FIG4: variants seen among roughly 807,000 people sequenced by gnomAD.
The protein encoded by FIG4 is FIG4 phosphoinositide 5-phosphatase.
FIG4 carries 112 observed loss-of-function variants against 118.6 expected under a neutral mutation model. The ratio of observed to expected loss-of-function variants is 0.94; its 90% CI spans 0.81 to 1.11. The LOEUF is 1.11. Ranked by LOEUF, FIG4 falls within the 50% of genes least tolerant of loss-of-function variation. FIG4 has a pLI of 0.00. For synonymous variants in FIG4, 369 were observed against 381.2 expected (o/e 0.97, Z 0.37); for missense variants, 969 against 1,111.7 (o/e 0.87, Z 1.83).
intron 4 of FIG4, 25 bp downstream of exon 4, chr6:109,727,290 T>C (rs2128384076): frequency 6.3e-7 from 1 of 1,599,272 alleles, no homozygotes; most frequent in Non-Finnish European, 8.6e-7. Context: ...AACTACCTTT[T>C]TTTTTTTGGA....
At chr6:109,707,331 GTA>G (rs3060804) in intron 1 of FIG4, among the ~76,000 whole-genome samples, 1 of 138,478 alleles carries the variant, frequency 7.2e-6, no homozygotes, top group African/African-American at 2.7e-5. Context: ...ATATGTATAG[GTA>G]TATATATACA....
At position 109,751,810 on chromosome 6, in the gene FIG4, T is replaced by C. The variant is rs9487204; in HGVS notation, c.1137+8038T>C. Among the ~76,000 whole-genome samples the C allele has an allele frequency of 3.4e-3, 468 of 137,552 alleles. 5 individuals are homozygous for C. Among genetic ancestry groups the C allele is most frequent in the African/African-American group, 0.012 (433 of 36,844 alleles). 90.2% of individuals were successfully genotyped at this position (137,552 alleles called of 152,430 possible). The stretch of plus-strand genomic sequence containing the variant: ...TCTATTTGATTCTTCTCTCTTTTTT[T>C]CTTTTTTTTTTAAGTATTTTTTTTC... On this transcript the variant is annotated intron_variant, in intron 10 of 22. Transcript: ENST00000230124.
At chr6:109,787,900 A>AT (rs1239990690) in intron 18 of FIG4, among the ~76,000 whole-genome samples, 10 of 152,214 alleles carry the variant, frequency 6.6e-5, no homozygotes, top group Admixed American at 5.9e-4. Context: ...CGTAGTTAAT[A>AT]TACAATCAGT....
At chr6:109,743,071 A>G (rs369671740) in intron 8 of FIG4, 39 bp from the exon 9 acceptor site, 12 of 1,543,510 alleles carry the variant, frequency 7.8e-6, no homozygotes, top group South Asian at 5.6e-5. Flanking sequence ...AAACATTTCT[A>G]ATAACATAAA....
chr6:109,750,557 C>T (rs1047217562), intron 10 of FIG4, among the ~76,000 whole-genome samples: 4 of 152,038 alleles, frequency 2.6e-5, no homozygotes, highest in Non-Finnish European at 5.9e-5. Flanking sequence ...CACTTGAGTC[C>T]AGGAGTTCCA....
intron 1 of FIG4, among the ~76,000 whole-genome samples, chr6:109,712,677 T>C (rs1229601964): frequency 1.3e-5 from 2 of 152,234 alleles, no homozygotes; most frequent in Non-Finnish European, 2.9e-5. Flanking sequence ...TTTCAACATA[T>C]TCCTGTAGCT....
chr6:109,743,536 G>A, intron 9 of FIG4, 139 bp from the exon 10 acceptor site: 1 of 725,944 alleles, frequency 1.4e-6, no homozygotes, highest in South Asian at 1.5e-5. Context: ...TGTCTAGTGA[G>A]CATCTTAAGA....
intron 22 of FIG4, among the ~76,000 whole-genome samples, chr6:109,824,337 A>T (rs997980349): frequency 6.6e-6 from 1 of 152,224 alleles, no homozygotes; most frequent in Non-Finnish European, 1.5e-5. Context: ...TGGTACATAC[A>T]CCTTCTAATA....
intron 10 of FIG4, among the ~76,000 whole-genome samples, chr6:109,751,459 C>A (rs1353892622): frequency 6.7e-6 from 1 of 150,264 alleles, no homozygotes; most frequent in Non-Finnish European, 1.5e-5. Context: ...CCCTCTTTTT[C>A]TGTTGTTTGG....
intron 1 of FIG4, among the ~76,000 whole-genome samples, chr6:109,710,909 T>A (rs111456502): frequency 2.3e-4 from 35 of 149,566 alleles, no homozygotes; most frequent in East Asian, 1.2e-3. Context: ...TATTAGTTTT[T>A]AAAAAAAAAA....
chr6:109,813,262 C>T (rs1388810759), intron 22 of FIG4, among the ~76,000 whole-genome samples: 6 of 152,154 alleles, frequency 3.9e-5, no homozygotes, highest in Non-Finnish European at 8.8e-5. Context: ...CTCTCTCTCT[C>T]TACCACTTTT....
chr6:109,728,435 T>C (rs1194504199), intron 4 of FIG4, among the ~76,000 whole-genome samples: 1 of 152,164 alleles, frequency 6.6e-6, no homozygotes, highest in Non-Finnish European at 1.5e-5. Flanking sequence ...GTTGAATTGA[T>C]TTAATATTAT....
rs1457876224 is a variant in FIG4, at chr6:109,779,956, AATGGGAAAATAT to A, written c.1889+2901_1889+2912del. Among the ~76,000 whole-genome samples, 8 of 152,302 alleles carry A rather than the reference AATGGGAAAATAT, an allele frequency of 5.3e-5. No homozygotes were observed. In the South Asian group the frequency reaches 1.0e-3, roughly 20 times the overall value. Reference sequence around the variant, plus strand: ...TACCTCACAGGGTCATTGAGGCTTAAATGGGAAAATATATGGAAAGTACTTAATACTGGGTCT... The same window carrying A: ...TACCTCACAGGGTCATTGAGGCTTAAATGGAAAGTACTTAATACTGGGTCT... On this transcript the variant is annotated intron_variant, in intron 16 of 22. Coordinates refer to ENST00000230124, the MANE Select transcript of FIG4 (RefSeq NM_014845.6).
rs1583701662 is a variant in FIG4, at chr6:109,765,021, C to T, written c.1443C>T (p.Ile481=). Residue 481 remains isoleucine, a synonymous_variant, in exon 14 of 23, where the codon ATC becomes ATT. Transcript: ENST00000230124. Reference sequence around the variant, plus strand: ...AAGGTATTTCTCTTTAGACTGGCATCCTTCGAACCAACTGTGTGGACTGTT... The same window carrying T: ...AAGGTATTTCTCTTTAGACTGGCATTCTTCGAACCAACTGTGTGGACTGTT... ...VIPTGRLQTG[I]LRTNCVDCLD... is the part of the protein sequence containing the mutation. 1.9e-6 allele frequency: 3 copies of T among 1,613,840 alleles called. No homozygotes were observed. In the Admixed American group the frequency reaches 5.0e-5, roughly 27 times the overall value.
chr6:109,803,826 T>G (rs1212527419), intron 22 of FIG4, among the ~76,000 whole-genome samples: 2 of 139,010 alleles, frequency 1.4e-5, no homozygotes, highest in African/African-American at 2.7e-5. Context: ...TGTCCAAGTG[T>G]TCTCATTGTT....
At chr6:109,702,795 A>T (rs1310149428) in intron 1 of FIG4, among the ~76,000 whole-genome samples, 2 of 152,182 alleles carry the variant, frequency 1.3e-5, no homozygotes, top group Admixed American at 6.5e-5. Context: ...TTCTTACTAC[A>T]AATTTGTAAT....
rs558292219 is a variant in FIG4, at chr6:109,757,865, A to G, written c.1138-2385A>G. ...GAATGAACTCCCATTCAGAATTGCT[A>G]CAAAGAGAATAAAATAACTTAAAAA... On this transcript the variant is annotated intron_variant, in intron 10 of 22. Coordinates refer to ENST00000230124, the MANE Select transcript of FIG4 (RefSeq NM_014845.6). Among the ~76,000 whole-genome samples the G allele has an allele frequency of 2.6e-5, 4 of 152,326 alleles. No homozygotes were observed. In the South Asian group the frequency reaches 8.3e-4, roughly 32 times the overall value.
chr6:109,780,156 T>A (rs1777755778), intron 16 of FIG4, among the ~76,000 whole-genome samples: 1 of 152,190 alleles, frequency 6.6e-6, no homozygotes, highest in Admixed American at 6.5e-5. Context: ...TCTCTGAGAA[T>A]CAGATGAGAT....
In FIG4 at chr6:109,743,722, C is replaced by T. The variant is rs761179999; in HGVS notation, c.1087C>T (p.Gln363Ter). 1.2e-6 allele frequency: 2 copies of T among 1,612,890 alleles called. No individual in the cohort carries two copies. The highest frequency in any genetic ancestry group is 1.7e-6 in the Non-Finnish European group (2 of 1,179,268). The change falls in exon 10 of 23, where the codon CAG (glutamine) becomes TAG (stop). Residue 363 changes from glutamine (Q) to a stop codon, truncating the protein, a stop_gained. Transcript: ENST00000230124. LOFTEE classifies it high-confidence loss of function. ...ACATGTGGCTGCCCTTCACTTTGAC[C>T]AGATGTTCCAGAGGTTTGGCTCTCC... ...FAHVAALHFD[Q>*]MFQRFGSPII... is the part of the protein sequence containing the mutation.
Sources: gnomAD v4.1 joint callset for allele counts (sites outside exome capture counted in the v4.1 genomes callset) on GRCh38, gnomAD v4.1.1 for gene constraint, MANE v1.5 for transcripts, NCBI Gene and HGNC (gene_info 2026-07-23, HGNC 2026-07-21) for gene names.